Variants in FRMPD4 observed in about 807,000 individuals in gnomAD.
FRMPD4 encodes the protein FERM and PDZ domain-containing protein 4.
Under a neutral mutation model 94.1 loss-of-function variants are expected in FRMPD4, and 22 were observed. The observed-to-expected ratio is 0.23, with a 90% CI of 0.17 to 0.33. The LOEUF is 0.33. Ranked by LOEUF, FRMPD4 falls within the 10% of genes least tolerant of loss-of-function variation. The pLI is 1.00. For missense variants in FRMPD4, 1,111 were observed against 1,339.9 expected, an observed-to-expected ratio of 0.83 and a Z score of 2.67; for synonymous variants, 631 against 548.6, an observed-to-expected ratio of 1.15 and a Z score of -2.10.
In FRMPD4 at chrX:12,295,590, T is replaced by A. The variant is rs372017371; in HGVS notation, c.41+156578T>A. ...TCCTCCTTTTAGTTTTTTCTTAGTT[T>A]ACCATTTTACTTGCATCCCCACATT... On this transcript the variant is annotated intron_variant, in intron 1 of 16. Transcript: ENST00000675598. Among the ~76,000 whole-genome samples, 20 of 112,128 alleles carry A rather than the reference T, an allele frequency of 1.8e-4. No homozygotes were observed. The East Asian group carries it at 5.3e-3, about 30-fold the overall frequency.
intron 4 of FRMPD4, among the ~76,000 whole-genome samples, chrX:12,665,682 AT>A (rs1291449919): frequency 8.9e-5 from 10 of 112,356 alleles, no homozygotes; most frequent in South Asian, 3.7e-4. Flanking sequence ...ACTAAGCTTC[AT>A]AAGCGAAGGA....
At position 12,718,564 on chromosome X, in the gene FRMPD4, C is replaced by G. The variant is rs151079505; in HGVS notation, c.3738C>G (p.His1246Gln). The change falls in exon 16 of 17, where the codon CAC (histidine) becomes CAG (glutamine). Residue 1246 changes from histidine to glutamine, a missense_variant. Physicochemically the swap from His to Gln is conservative, Grantham distance 24. Coordinates refer to ENST00000675598, the MANE Select transcript of FRMPD4 (RefSeq NM_001368397.1). Reference protein sequence around the residue: ...ESPLCPSLGKHLIPDASGKGV... With the variant: ...ESPLCPSLGKQLIPDASGKGV... ...CGCTCTGCCCCTCCCTGGGGAAGCA[C>G]TTGATTCCTGACGCTTCTGGGAAAG... 1.2e-5 allele frequency: 15 copies of G among 1,208,397 alleles called. No homozygotes were observed. The highest frequency in any genetic ancestry group is 1.7e-5 in the Non-Finnish European group (15 of 892,164).
At chrX:12,033,097 G>T (rs1356752647) in intron 3 of FRMPD4, among the ~76,000 whole-genome samples, 2 of 112,407 alleles carry the variant, frequency 1.8e-5, no homozygotes, top group African/African-American at 6.5e-5. Context: ...ATTCTCTACA[G>T]TGGTTGTCAG....
chrX:12,168,276 A>G (rs746874484), intron 1 of FRMPD4, among the ~76,000 whole-genome samples: 2 of 110,712 alleles, frequency 1.8e-5, no homozygotes, highest in African/African-American at 6.6e-5. Context: ...ATGAAAAATA[A>G]ACTTCAACTG....
At chrX:12,654,279 C>T (rs990255143) in intron 4 of FRMPD4, among the ~76,000 whole-genome samples, 2 of 111,546 alleles carry the variant, frequency 1.8e-5, no homozygotes, top group African/African-American at 3.3e-5. Flanking sequence ...GCAACCTCTT[C>T]GGCCTAATTT....
chrX:11,862,113 T>C (rs771479233), intron 1 of FRMPD4, among the ~76,000 whole-genome samples: 3 of 111,455 alleles, frequency 2.7e-5, no homozygotes, highest in Non-Finnish European at 5.7e-5. Context: ...TTCACCCCCA[T>C]GATCCAATCC....
At chrX:12,208,541 T>C (rs1168188293) in intron 1 of FRMPD4, among the ~76,000 whole-genome samples, 1 of 111,817 alleles carries the variant, frequency 8.9e-6, no homozygotes, top group Non-Finnish European at 1.9e-5. Flanking sequence ...TTCACTTTTG[T>C]ATCCTTTGCA....
chrX:12,096,754 G>A (rs2055207779), intron 3 of FRMPD4, among the ~76,000 whole-genome samples: 1 of 111,337 alleles, frequency 9.0e-6, no homozygotes, highest in African/African-American at 3.3e-5. Flanking sequence ...GGACATGGTT[G>A]TGTGCACCTA....
chrX:12,504,773 T>G (rs1196648689), intron 2 of FRMPD4, among the ~76,000 whole-genome samples: 1 of 112,531 alleles, frequency 8.9e-6, no homozygotes, highest in East Asian at 2.8e-4. Flanking sequence ...CTAGGCAAAC[T>G]TCTGCTTCAG....
chrX:11,853,986 T>A (rs1186849812), intron 1 of FRMPD4, among the ~76,000 whole-genome samples: 1 of 112,042 alleles, frequency 8.9e-6, no homozygotes. Context: ...ATTGGCATGC[T>A]GCTATGAAGA....
intron 2 of FRMPD4, among the ~76,000 whole-genome samples, chrX:12,538,097 G>C (rs1184089876): frequency 9.0e-6 from 1 of 111,546 alleles, no homozygotes; most frequent in African/African-American, 3.3e-5. Context: ...AGCTATGGCA[G>C]ACAGCACCTG....
chrX:12,366,694 C>G (rs1047033357), intron 1 of FRMPD4, among the ~76,000 whole-genome samples: 1 of 112,288 alleles, frequency 8.9e-6, no homozygotes, highest in Non-Finnish European at 1.9e-5. Context: ...AGTCCTTGCT[C>G]TGATGGATAT....
At chrX:12,019,978 A>C (rs113756980) in intron 3 of FRMPD4, among the ~76,000 whole-genome samples, 7,371 of 111,926 alleles carry the variant, frequency 0.066, 262 homozygotes, top group East Asian at 0.24. Context: ...TTTTATGTAT[A>C]TAGAAACTGA....
intron 3 of FRMPD4, among the ~76,000 whole-genome samples, chrX:11,960,775 C>T (rs1225117456): frequency 2.7e-5 from 3 of 111,839 alleles, no homozygotes; most frequent in Non-Finnish European, 3.8e-5. Flanking sequence ...ATGGAAGCAA[C>T]CTGGTTCTAT....
At chrX:12,623,152 GAAAGAGAAAGAA>G (rs1324998766) in intron 4 of FRMPD4, among the ~76,000 whole-genome samples, 1 of 512 alleles carries the variant, frequency 2.0e-3, no homozygotes, top group African/African-American at 5.3e-3. Context: ...GAGAAAGAAA[GAAAGAGAAAGAA>G]AGAAAGAAAG....
intron 1 of FRMPD4, among the ~76,000 whole-genome samples, chrX:12,377,863 A>G (rs1372991971): frequency 8.9e-6 from 1 of 112,600 alleles, no homozygotes; most frequent in East Asian, 2.8e-4. Context: ...CGTGTTTCAC[A>G]TAAATGCATC....
intron 2 of FRMPD4, among the ~76,000 whole-genome samples, chrX:12,521,409 A>T (rs2058160558): frequency 1.8e-5 from 2 of 111,937 alleles, no homozygotes; most frequent in Admixed American, 1.9e-4. Context: ...TCCTTTCCCC[A>T]TCTGCAATGG....
At chrX:12,060,712 G>A (rs1051743106) in intron 3 of FRMPD4, among the ~76,000 whole-genome samples, 1 of 110,693 alleles carries the variant, frequency 9.0e-6, no homozygotes, top group African/African-American at 3.3e-5. Flanking sequence ...CTGTCTCCCC[G>A]TTCATCTAAC....
At chrX:12,193,827 G>GA (rs57484735) in intron 1 of FRMPD4, among the ~76,000 whole-genome samples, 4 of 27,500 alleles carry the variant, frequency 1.5e-4, no homozygotes, top group African/African-American at 6.7e-4. Flanking sequence ...AGGAAGGAAG[G>GA]AGGGAAGGAA....
Sources: gnomAD v4.1 joint callset for allele counts (sites outside exome capture counted in the v4.1 genomes callset) on GRCh38, gnomAD v4.1.1 for gene constraint, MANE v1.5 for transcripts, NCBI Gene and HGNC (gene_info 2026-07-23, HGNC 2026-07-21) for gene names.